CSMD1: variants seen among roughly 807,000 people sequenced by gnomAD.
CSMD1 encodes CUB and sushi domain-containing protein 1.
Under a neutral mutation model 417.5 loss-of-function variants are expected in CSMD1, and 213 were observed. That is an observed-to-expected ratio of 0.51 (90% CI 0.46 to 0.57). CSMD1 has a LOEUF of 0.57. CSMD1 is among the 20% of genes least tolerant of loss of function. The probability of loss-of-function intolerance (pLI) is 0.00; values close to 1 mark genes in which losing one functional copy is unlikely to be tolerated. For synonymous variants in CSMD1, 2,862 were observed against 1,736.8 expected (o/e 1.65, Z -16.11); for missense variants, 6,923 against 4,529.7 (o/e 1.53, Z -15.17).
chr8:4,768,064 C>G (rs551651727), intron 1 of CSMD1, among the ~76,000 whole-genome samples: 1 of 152,170 alleles, frequency 6.6e-6, no homozygotes, highest in South Asian at 2.1e-4. Flanking sequence ...TGTCTTCAGC[C>G]CCTTGCATAG....
chr8:4,892,958 T>G (rs1202546197), intron 1 of CSMD1, among the ~76,000 whole-genome samples: 1 of 152,152 alleles, frequency 6.6e-6, no homozygotes, highest in Non-Finnish European at 1.5e-5. Context: ...AATATGAGCA[T>G]ATTGTGAAAG....
Position 4,211,355 on chromosome 8 carries a change from C to T in CSMD1, c.416-179256G>A, listed in dbSNP as rs1019007419. Among the ~76,000 whole-genome samples the T allele has an allele frequency of 9.4e-5, 14 of 149,188 alleles. 1 individual carries two copies. The highest frequency in any genetic ancestry group is 2.1e-4 in the South Asian group (1 of 4,808). On this transcript the variant is annotated intron_variant, in intron 3 of 69. Transcript: ENST00000635120. ...TAAATTTCTTTACATTTCTTTTATT[C>T]CCTGTTTTTCTTTGAAGTAATGCAA...
chr8:4,550,451 G>C (rs560131288), intron 2 of CSMD1, among the ~76,000 whole-genome samples: 1 of 151,374 alleles, frequency 6.6e-6, no homozygotes, highest in South Asian at 2.1e-4. Context: ...GTAAACTAAA[G>C]GTATTGCATT....
intron 5 of CSMD1, among the ~76,000 whole-genome samples, chr8:3,764,898 A>G (rs1247082357): frequency 6.6e-6 from 1 of 151,794 alleles, no homozygotes; most frequent in African/African-American, 2.4e-5. Flanking sequence ...GGTGACTGCC[A>G]CCACACCCAG....
chr8:4,616,155 A>G (rs1364088214), intron 2 of CSMD1, among the ~76,000 whole-genome samples: 2 of 152,210 alleles, frequency 1.3e-5, no homozygotes, highest in Non-Finnish European at 2.9e-5. Context: ...AAATAAATGA[A>G]CAGATCCCAT....
intron 26 of CSMD1, among the ~76,000 whole-genome samples, chr8:3,254,485 C>G (rs1162895077): frequency 1.3e-5 from 2 of 152,158 alleles, no homozygotes; most frequent in Non-Finnish European, 2.9e-5. Flanking sequence ...AACTTGGTTC[C>G]ATTCTCCCTG....
chr8:3,610,387 T>G (rs577350249), intron 8 of CSMD1, among the ~76,000 whole-genome samples: 3 of 152,200 alleles, frequency 2.0e-5, no homozygotes, highest in East Asian at 3.9e-4. Flanking sequence ...TTTTAACAAA[T>G]TAATTGAGTC....
chr8:4,914,022 T>G (rs762885665), intron 1 of CSMD1, among the ~76,000 whole-genome samples: 2 of 152,196 alleles, frequency 1.3e-5, no homozygotes, highest in African/African-American at 4.8e-5. Context: ...GATGCTGCAG[T>G]TTCTTAAAGA....
At chr8:4,812,350 T>G (rs1798955678) in intron 1 of CSMD1, among the ~76,000 whole-genome samples, 1 of 152,236 alleles carries the variant, frequency 6.6e-6, no homozygotes, top group African/African-American at 2.4e-5. Context: ...CCAGTCTTTT[T>G]GGTACAAACA....
chr8:3,683,317 G>C lies in CSMD1; in HGVS notation c.1009+25097C>G, dbSNP rs558959908. ...ATATGGATGGATCAGTCAAGGCAAA[G>C]TTCTTTCATTGTGTTCTCTTATTTA... On this transcript the variant is annotated intron_variant, in intron 7 of 69. Coordinates refer to ENST00000635120, the MANE Select transcript of CSMD1 (RefSeq NM_033225.6). Among the ~76,000 whole-genome samples, 192 of 152,218 alleles carry C rather than the reference G, an allele frequency of 1.3e-3. 3 individuals carry two copies. Among genetic ancestry groups the C allele is most frequent in the African/African-American group, 4.4e-3 (181 of 41,568 alleles).
At chr8:4,686,897 G>C (rs1214085148) in intron 1 of CSMD1, among the ~76,000 whole-genome samples, 2 of 152,198 alleles carry the variant, frequency 1.3e-5, no homozygotes, top group Admixed American at 6.5e-5. Flanking sequence ...ACCAGACAGA[G>C]GTGGATTTCC....
intron 29 of CSMD1, among the ~76,000 whole-genome samples, chr8:3,216,392 T>A (rs952315283): frequency 1.3e-5 from 2 of 152,246 alleles, no homozygotes; most frequent in Admixed American, 1.3e-4. Context: ...TTGTTCACAA[T>A]ATTTTCCCCT....
intron 3 of CSMD1, among the ~76,000 whole-genome samples, chr8:4,206,146 T>A (rs552055150): frequency 6.6e-6 from 1 of 152,274 alleles, no homozygotes; most frequent in Non-Finnish European, 1.5e-5. Flanking sequence ...ACCTTTTCCC[T>A]GGCTATTATT....
At chr8:4,520,406 A>G (rs1467107434) in intron 2 of CSMD1, among the ~76,000 whole-genome samples, 1 of 152,184 alleles carries the variant, frequency 6.6e-6, no homozygotes, top group Non-Finnish European at 1.5e-5. Context: ...GCTAGCTGGT[A>G]GCAAAATCAT....
intron 26 of CSMD1, among the ~76,000 whole-genome samples, chr8:3,262,028 T>C (rs1231605397): frequency 6.6e-6 from 1 of 151,706 alleles, no homozygotes; most frequent in Non-Finnish European, 1.5e-5. Context: ...AGGGTCTCTG[T>C]TTTATTTGTT....
intron 12 of CSMD1, among the ~76,000 whole-genome samples, chr8:3,412,065 TATATAC>T (rs1812828686): frequency 1.1e-4 from 7 of 61,280 alleles, no homozygotes; most frequent in Admixed American, 1.0e-3. Flanking sequence ...TACACACGTA[TATATAC>T]ATATATACAT....
At chr8:4,475,899 C>G (rs1800778569) in intron 2 of CSMD1, among the ~76,000 whole-genome samples, 1 of 152,166 alleles carries the variant, frequency 6.6e-6, no homozygotes, top group Admixed American at 6.5e-5. Flanking sequence ...AGGCTTGAGC[C>G]ACCTCACCTG....
chr8:4,581,251 G>T (rs980102973), intron 2 of CSMD1, among the ~76,000 whole-genome samples: 1 of 152,098 alleles, frequency 6.6e-6, no homozygotes, highest in Non-Finnish European at 1.5e-5. Context: ...TAATAATTGG[G>T]CATTTCAAAA....
At chr8:3,318,235 T>C (rs866118259) in intron 23 of CSMD1, among the ~76,000 whole-genome samples, 1 of 152,346 alleles carries the variant, frequency 6.6e-6, no homozygotes, top group Non-Finnish European at 1.5e-5. Context: ...CTTACTATAA[T>C]GTTTTGCTTT....
Sources: allele counts gnomAD v4.1 joint callset (sites outside exome capture counted in the v4.1 genomes callset), GRCh38; gene constraint gnomAD v4.1.1; transcripts MANE v1.5; gene names NCBI Gene and HGNC (gene_info 2026-07-23, HGNC 2026-07-21).